Variants in TENM1 observed in about 807,000 individuals in gnomAD.
The protein encoded by TENM1 is teneurin transmembrane protein 1.
TENM1 carries 35 observed loss-of-function variants against 174.8 expected under a neutral mutation model. The observed-to-expected ratio is 0.20, with a 90% CI of 0.15 to 0.27. TENM1 has a LOEUF of 0.27. TENM1 is among the 10% of genes least tolerant of loss of function. TENM1 has a pLI of 1.00. For missense variants in TENM1, 1,633 were observed against 2,130.1 expected (o/e 0.77, Z 4.59); for synonymous variants, 781 against 798.7 (o/e 0.98, Z 0.37).
chrX:124,909,706 C>T (rs993284229), intron 1 of TENM1, among the ~76,000 whole-genome samples: 2 of 112,243 alleles, frequency 1.8e-5, no homozygotes, highest in African/African-American at 6.5e-5. Flanking sequence ...ACAACACAAA[C>T]AACATCTGTG....
chrX:124,528,944 T>C (rs1263747309), intron 16 of TENM1, among the ~76,000 whole-genome samples: 1 of 111,684 alleles, frequency 9.0e-6, no homozygotes. Context: ...ACAGCCCAAG[T>C]TGAACAATTA....
At chrX:125,068,780 A>G in the TENM1 span, among the ~76,000 whole-genome samples, 1 of 111,930 alleles carries the variant, frequency 8.9e-6, no homozygotes, top group African/African-American at 3.2e-5. Context: ...TTGAAAGTGC[A>G]CTGGCCTCAG....
intron 29 of TENM1, among the ~76,000 whole-genome samples, chrX:124,385,297 T>G (rs2060205958): frequency 8.9e-6 from 1 of 112,255 alleles, no homozygotes; most frequent in African/African-American, 3.2e-5. Context: ...AGTTCTGACT[T>G]GTGAAGATAT....
chrX:125,201,653 C>A, the TENM1 span, among the ~76,000 whole-genome samples: 1 of 111,898 alleles, frequency 8.9e-6, no homozygotes, highest in Admixed American at 9.5e-5. Context: ...TTCTGGGGAA[C>A]AACCTGAAAA....
In TENM1 at chrX:124,872,142, G is replaced by A. The variant is rs138560683; in HGVS notation, c.535+22154C>T. On this transcript the variant is annotated intron_variant, in intron 3 of 31. Coordinates refer to ENST00000422452, the Ensembl canonical transcript of TENM1. ...GAGAGCATGATATCCTGTAAGCCAGGTGAAAACAGTGTAGAGAACTCAGAA... is the reference window on the plus strand; with the variant it reads ...GAGAGCATGATATCCTGTAAGCCAGATGAAAACAGTGTAGAGAACTCAGAA... 1.4e-3 allele frequency among the ~76,000 whole-genome samples: 158 copies of A among 110,080 alleles called. 1 individual carries two copies. Among genetic ancestry groups the A allele is most frequent in the African/African-American group, 4.9e-3 (148 of 30,288 alleles).
At chrX:124,918,372 G>T (rs1445195067) in intron 1 of TENM1, among the ~76,000 whole-genome samples, 3 of 109,839 alleles carry the variant, frequency 2.7e-5, no homozygotes, top group African/African-American at 1.0e-4. Context: ...TAGGGATGGG[G>T]TTTCACCATG....
At chrX:124,940,634 C>G (rs778022046) in intron 1 of TENM1, among the ~76,000 whole-genome samples, 15 of 111,012 alleles carry the variant, frequency 1.4e-4, no homozygotes, top group Non-Finnish European at 2.1e-4. Context: ...TTTTTTCTGT[C>G]TCATTGTTCA....
chrX:124,690,484 AGTGT>A (rs58386633), intron 5 of TENM1, among the ~76,000 whole-genome samples: 10,057 of 93,323 alleles, frequency 0.11, 872 homozygotes, highest in African/African-American at 0.28. Context: ...GCTTTGTTAG[AGTGT>A]GTGTGTGTGT....
At chrX:124,536,948 A>G (rs190619600) in intron 15 of TENM1, among the ~76,000 whole-genome samples, 74 of 111,389 alleles carry the variant, frequency 6.6e-4, no homozygotes, top group African/African-American at 2.0e-3. Flanking sequence ...CGACTAATGG[A>G]TAGTCATTAA....
intron 14 of TENM1, among the ~76,000 whole-genome samples, chrX:124,551,865 T>C (rs2048580760): frequency 8.9e-6 from 1 of 112,086 alleles, no homozygotes; most frequent in Admixed American, 9.5e-5. Flanking sequence ...TAGGGGTAGA[T>C]GTCAATGGTT....
the TENM1 span, among the ~76,000 whole-genome samples, chrX:125,143,483 T>C: frequency 1.8e-5 from 2 of 111,802 alleles, no homozygotes; most frequent in African/African-American, 6.5e-5. Flanking sequence ...ACACACCTTC[T>C]GTCATGGAAA....
intron 20 of TENM1, among the ~76,000 whole-genome samples, chrX:124,487,740 C>T (rs113643984): frequency 0.031 from 3,473 of 111,674 alleles, 126 homozygotes; most frequent in African/African-American, 0.11. Context: ...GCCATAAGCA[C>T]TCTATCAAAG....
chrX:124,627,520 G>A, intron 11 of TENM1, among the ~76,000 whole-genome samples: 1 of 111,798 alleles, frequency 8.9e-6, no homozygotes, highest in Non-Finnish European at 1.9e-5. Context: ...CACAAGGTAT[G>A]GATTTGGAGA....
At chrX:124,996,549 C>CCACACACA in the TENM1 span, among the ~76,000 whole-genome samples, 2 of 96,147 alleles carry the variant, frequency 2.1e-5, no homozygotes, top group Non-Finnish European at 4.3e-5. Flanking sequence ...AAAAAAAAAA[C>CCACACACA]CACACACACA....
At chrX:124,586,964 T>A (rs1264688344) in intron 11 of TENM1, among the ~76,000 whole-genome samples, 6 of 110,733 alleles carry the variant, frequency 5.4e-5, no homozygotes, top group Non-Finnish European at 3.8e-5. Flanking sequence ...TAAAATACCT[T>A]GGAATCCAAC....
chrX:124,471,356 A>C lies in TENM1; in HGVS notation c.3949+10376T>G, dbSNP rs1267184891. Among the ~76,000 whole-genome samples, 5 of 40,281 alleles carry C rather than the reference A, an allele frequency of 1.2e-4. 2 individuals are homozygous for C. The highest frequency in any genetic ancestry group is 4.8e-4 in the Admixed American group (1 of 2,064). The allele number at this position is 40,281 out of a possible 115,157, so 35.0% of individuals were successfully genotyped here. On this transcript the variant is annotated intron_variant, in intron 22 of 31. Transcript: ENST00000422452. ...AGTACTATATATAATATATATTATA[A>C]TATATAGTACTATATATTATAATAT... is the stretch of plus-strand genomic sequence containing the variant.
intron 6 of TENM1, among the ~76,000 whole-genome samples, chrX:124,670,922 A>G (rs751056187): frequency 9.0e-6 from 1 of 111,573 alleles, no homozygotes; most frequent in East Asian, 2.8e-4. Context: ...CTGGCTATAT[A>G]TATTATTCTC....
At chrX:124,594,966 T>C (rs1353061773) in intron 11 of TENM1, among the ~76,000 whole-genome samples, 1 of 111,946 alleles carries the variant, frequency 8.9e-6, no homozygotes, top group South Asian at 3.7e-4. Flanking sequence ...TTGCAATCTA[T>C]CAATAAACAC....
chrX:124,978,990 C>T, the TENM1 span, among the ~76,000 whole-genome samples: 1 of 112,077 alleles, frequency 8.9e-6, no homozygotes, highest in Non-Finnish European at 1.9e-5. Flanking sequence ...TCCCCACCGG[C>T]CCAAGTTTGA....
Sources: allele counts gnomAD v4.1 joint callset (sites outside exome capture counted in the v4.1 genomes callset), GRCh38; gene constraint gnomAD v4.1.1; transcripts MANE v1.5; gene names NCBI Gene and HGNC (gene_info 2026-07-23, HGNC 2026-07-21).